RUNX2: variants seen among roughly 807,000 people sequenced by gnomAD.
The protein encoded by RUNX2 is runt-related transcription factor 2.
In RUNX2, 10 loss-of-function variants were observed where a neutral mutation model predicts 51.7. That is an observed-to-expected ratio of 0.19 (90% confidence interval 0.12 to 0.33). RUNX2 has a LOEUF of 0.33. Ranked by LOEUF, RUNX2 falls within the 10% of genes least tolerant of loss-of-function variation. RUNX2 has a pLI of 1.00. For missense variants in RUNX2, 562 were observed against 691.3 expected (o/e 0.81, Z 2.10); for synonymous variants, 276 against 273.6 (o/e 1.01, Z -0.09).
At chr6:45,407,827 T>TG (rs1204232019) in intron 2 of RUNX2, among the ~76,000 whole-genome samples, 2 of 152,164 alleles carry the variant, frequency 1.3e-5, no homozygotes, top group Non-Finnish European at 2.9e-5. Flanking sequence ...GGTGTATTTT[T>TG]TTTTTGCTTT....
rs140761255 is a variant in RUNX2, at chr6:45,422,858, C to T, written c.324C>T (p.Asp108=). ...GCACCATGGTGGAGATCATCGCCGA[C>T]CACCCGGCCGAACTCGTCCGCACCG... ...DNRTMVEIIA[D]HPAELVRTDS... The change falls in exon 3 of 9, where the codon GAC becomes GAT. Residue 108 remains aspartate, a synonymous_variant. Transcript: ENST00000647337. 9 of 1,611,690 alleles carry T rather than the reference C, an allele frequency of 5.6e-6. No homozygotes were observed. The African/African-American group carries it at 9.4e-5, about 17-fold the overall frequency.
At chr6:45,336,286 T>A (rs866242585) in intron 2 of RUNX2, among the ~76,000 whole-genome samples, 2 of 151,560 alleles carry the variant, frequency 1.3e-5, no homozygotes, top group Admixed American at 6.6e-5. Context: ...TTCTTGATTA[T>A]GTAGTAAAGA....
chr6:45,540,812 A>C (rs1802200548), intron 7 of RUNX2, among the ~76,000 whole-genome samples: 1 of 151,852 alleles, frequency 6.6e-6, no homozygotes, highest in Non-Finnish European at 1.5e-5. Context: ...CTACACCCAG[A>C]TACTGGCTGG....
chr6:45,340,847 T>C (rs1789637404), intron 2 of RUNX2, among the ~76,000 whole-genome samples: 1 of 152,096 alleles, frequency 6.6e-6, no homozygotes, highest in Admixed American at 6.5e-5. Context: ...ATCATAGGCT[T>C]TGGTGTCAGA....
At chr6:45,349,124 G>T (rs990822864) in intron 2 of RUNX2, among the ~76,000 whole-genome samples, 4 of 152,104 alleles carry the variant, frequency 2.6e-5, no homozygotes, top group East Asian at 1.9e-4. Context: ...TACAAATGGG[G>T]TATTTAAATT....
At chr6:45,417,504 G>C (rs761791750) in intron 2 of RUNX2, among the ~76,000 whole-genome samples, 2 of 152,126 alleles carry the variant, frequency 1.3e-5, no homozygotes, top group African/African-American at 4.8e-5. Context: ...TAAATGTTAC[G>C]TTGTTCACTT....
chr6:45,353,838 C>T (rs1182922117), intron 2 of RUNX2, among the ~76,000 whole-genome samples: 10 of 148,696 alleles, frequency 6.7e-5, no homozygotes, highest in African/African-American at 1.5e-4. Flanking sequence ...TAGGTGCTGG[C>T]GGGGAAAATA....
intron 2 of RUNX2, among the ~76,000 whole-genome samples, chr6:45,371,054 T>A (rs1795981137): frequency 6.6e-6 from 1 of 152,176 alleles, no homozygotes; most frequent in Admixed American, 6.5e-5. Context: ...TTACACAAAC[T>A]TAATTAAAGA....
At chr6:45,484,698 G>A (rs1373625078) in intron 5 of RUNX2, among the ~76,000 whole-genome samples, 1 of 152,164 alleles carries the variant, frequency 6.6e-6, no homozygotes, top group Non-Finnish European at 1.5e-5. Flanking sequence ...CTAAGATACA[G>A]TAAGGCTCAT....
chr6:45,446,894 C>G (rs1299700849), intron 5 of RUNX2, among the ~76,000 whole-genome samples: 1 of 152,116 alleles, frequency 6.6e-6, no homozygotes, highest in Non-Finnish European at 1.5e-5. Flanking sequence ...AATTCAAGAT[C>G]ATATGTAACA....
chr6:45,405,343 T>C (rs1382277862), intron 2 of RUNX2, among the ~76,000 whole-genome samples: 1 of 152,260 alleles, frequency 6.6e-6, no homozygotes, highest in Non-Finnish European at 1.5e-5. Flanking sequence ...AACAATTTTG[T>C]GCCTTGACAG....
intron 2 of RUNX2, among the ~76,000 whole-genome samples, chr6:45,419,887 C>G (rs770797622): frequency 5.3e-5 from 8 of 151,486 alleles, no homozygotes; most frequent in Non-Finnish European, 1.0e-4. Flanking sequence ...TCGGAGTCAC[C>G]GAGGGTGGCA....
chr6:45,522,401 C>T (rs1359274471), intron 7 of RUNX2, among the ~76,000 whole-genome samples: 2 of 151,836 alleles, frequency 1.3e-5, no homozygotes, highest in Non-Finnish European at 2.9e-5. Flanking sequence ...AATTCACATC[C>T]GTAACCAACT....
At chr6:45,404,943 T>C (rs903041557) in intron 2 of RUNX2, among the ~76,000 whole-genome samples, 6 of 152,270 alleles carry the variant, frequency 3.9e-5, no homozygotes, top group African/African-American at 7.2e-5. Flanking sequence ...CAGATCATTG[T>C]TGAAACTTAT....
At chr6:45,399,606 C>A (rs1323587811) in intron 2 of RUNX2, among the ~76,000 whole-genome samples, 1 of 151,932 alleles carries the variant, frequency 6.6e-6, no homozygotes, top group African/African-American at 2.4e-5. Flanking sequence ...GATCTGCCCA[C>A]CTTGGCCTCC....
chr6:45,539,411 C>A (rs1802149150), intron 7 of RUNX2, among the ~76,000 whole-genome samples: 1 of 152,294 alleles, frequency 6.6e-6, no homozygotes, highest in South Asian at 2.1e-4. Flanking sequence ...CTGGTCATTT[C>A]ATTATCTTAA....
intron 7 of RUNX2, among the ~76,000 whole-genome samples, chr6:45,526,890 T>C (rs1207795975): frequency 6.6e-6 from 1 of 152,216 alleles, no homozygotes; most frequent in Non-Finnish European, 1.5e-5. Context: ...TAGGTTGTTA[T>C]GGGGACTAAA....
chr6:45,397,202 C>T (rs1318622158), intron 2 of RUNX2, among the ~76,000 whole-genome samples: 1 of 151,578 alleles, frequency 6.6e-6, no homozygotes, highest in Non-Finnish European at 1.5e-5. Flanking sequence ...CTCCAGGGTT[C>T]ATGCCATTCT....
At position 45,428,046 on chromosome 6, in the gene RUNX2, T is replaced by A. The variant is rs557811105; in HGVS notation, c.424-3817T>A. Among the ~76,000 whole-genome samples, 3 of 152,300 alleles carry A rather than the reference T, an allele frequency of 2.0e-5. No individual in the cohort carries two copies. The East Asian group carries it at 5.8e-4, about 29-fold the overall frequency. ...TCTTGAATTTGTAGATTTTATATTT[T>A]AAAAAAACATAGAAATGTAATTGTT... On this transcript the variant is annotated intron_variant, in intron 3 of 8. Coordinates refer to ENST00000647337, the MANE Select transcript of RUNX2 (RefSeq NM_001024630.4).
Sources: gnomAD v4.1 joint callset for allele counts (sites outside exome capture counted in the v4.1 genomes callset) on GRCh38, gnomAD v4.1.1 for gene constraint, MANE v1.5 for transcripts, NCBI Gene and HGNC (gene_info 2026-07-23, HGNC 2026-07-21) for gene names.